NEU3: variants seen among roughly 807,000 people sequenced by gnomAD.
NEU3 encodes the protein neuraminidase 3.
In NEU3, 10 loss-of-function variants were observed where a neutral mutation model predicts 11.4. That is an observed-to-expected ratio of 0.88 (90% CI 0.54 to 1.49). The LOEUF (loss-of-function observed/expected upper bound fraction) is 1.49. NEU3 is among the 40% of genes most tolerant of loss of function. The pLI is 0.00. For synonymous variants in NEU3, 212 were observed against 228.2 expected, an observed-to-expected ratio of 0.93 and a Z score of 0.64; for missense variants, 529 against 581.8, an observed-to-expected ratio of 0.91 and a Z score of 0.93.
Position 75,005,568 on chromosome 11 carries a change from G to A in NEU3, c.462G>A (p.Arg154=). 1 of 1,614,014 alleles carries A rather than the reference G, an allele frequency of 6.2e-7. No homozygotes were observed. Among genetic ancestry groups the A allele is most frequent in the Non-Finnish European group, 8.5e-7 (1 of 1,179,896 alleles). ...VTERQQIVSG[R]NAARLCFIYS... ...AGCGTCAACAGATTGTGTCAGGCAGGAATGCTGCCCGCCTTTGCTTCATCT... is the reference window on the plus strand; with the variant it reads ...AGCGTCAACAGATTGTGTCAGGCAGAAATGCTGCCCGCCTTTGCTTCATCT... The change falls in exon 3 of 3, where the codon AGG becomes AGA. Residue 154 remains arginine, a synonymous_variant. Coordinates refer to ENST00000294064, the MANE Select transcript of NEU3 (RefSeq NM_006656.6).
downstream of NEU3, among the ~76,000 whole-genome samples, chr11:75,015,082 G>A (rs555282742): frequency 2.5e-4 from 38 of 152,170 alleles, no homozygotes; most frequent in South Asian, 8.3e-4. Context: ...TGTGTCCTCC[G>A]CAAATTCATA....
At chr11:74,985,660 T>A (rs1376104418), upstream of NEU3, among the ~76,000 whole-genome samples, 6 of 152,224 alleles carry the variant, frequency 3.9e-5, no homozygotes, top group African/African-American at 1.4e-4. Context: ...AGGACACATC[T>A]GGATCATAAG....
In NEU3 at chr11:75,005,545, C is replaced by T. The variant is rs201212157; in HGVS notation, c.439C>T (p.Arg147Cys). The T allele has an allele frequency of 7.3e-5, 118 of 1,613,772 alleles. No homozygotes were observed. The highest frequency in any genetic ancestry group is 4.1e-4 in the African/African-American group (31 of 74,856). ...CTGTGTGCGGGGCCATGTCACAGAGCGTCAACAGATTGTGTCAGGCAGGAA... is the reference window on the plus strand; with the variant it reads ...CTGTGTGCGGGGCCATGTCACAGAGTGTCAACAGATTGTGTCAGGCAGGAA... ...FICVRGHVTERQQIVSGRNAA... is the reference protein window; with the variant it reads ...FICVRGHVTECQQIVSGRNAA... The change falls in exon 3 of 3, where the codon CGT becomes TGT. Residue 147 changes from arginine to cysteine, a missense_variant. Coordinates refer to ENST00000294064, the MANE Select transcript of NEU3 (RefSeq NM_006656.6).
upstream of NEU3, chr11:74,988,141 T>C (rs1948689928): frequency 6.6e-6 from 1 of 152,098 alleles, no homozygotes; most frequent in Non-Finnish European, 1.5e-5. Context: ...GTCTTTCCTT[T>C]TATTGGCGTT....
chr11:74,982,347 AC>A, the NEU3 span, among the ~76,000 whole-genome samples: 1 of 152,098 alleles, frequency 6.6e-6, no homozygotes, highest in South Asian at 2.1e-4. Flanking sequence ...CAATAGGTAA[AC>A]CTGCTCATTT....
In NEU3 at chr11:75,001,933, G is replaced by A. The variant is rs1948848064; in HGVS notation, c.307-3480G>A. 2.0e-5 allele frequency among the ~76,000 whole-genome samples: 3 copies of A among 152,188 alleles called. No homozygotes were observed. In the South Asian group the frequency reaches 6.2e-4, roughly 32 times the overall value. ...TAGAATGGGCTGTCCCAGAGATCTTGAATTCCCTGTTGAACTAGCTTAGTT... is the reference window on the plus strand; with the variant it reads ...TAGAATGGGCTGTCCCAGAGATCTTAAATTCCCTGTTGAACTAGCTTAGTT... On this transcript the variant is annotated intron_variant, in intron 2 of 2. Coordinates refer to ENST00000294064, the MANE Select transcript of NEU3 (RefSeq NM_006656.6).
At chr11:74,982,276 G>A in the NEU3 span, among the ~76,000 whole-genome samples, 4 of 152,168 alleles carry the variant, frequency 2.6e-5, no homozygotes, top group African/African-American at 4.8e-5. Flanking sequence ...CTAGATGAAT[G>A]CCTACACATG....
At position 75,006,663 on chromosome 11, in the gene NEU3, A is replaced by G. The variant is rs543114072; in HGVS notation, c.*171A>G. 1 of 700,682 alleles carries G rather than the reference A, an allele frequency of 1.4e-6. No homozygotes were observed. The highest frequency in any genetic ancestry group is 1.8e-5 in the African/African-American group (1 of 55,800). 43.4% of individuals were successfully genotyped at this position (700,682 alleles called of 1,614,324 possible). A position where few individuals can be genotyped will look rare whatever the true frequency, so the allele number is the denominator to read the frequency against. ...ATTTTGCCTTAGCTACTGCAGTGGAAAGAGCACTGAACTAGGAGTTGGAAG... is the reference window on the plus strand; with the variant it reads ...ATTTTGCCTTAGCTACTGCAGTGGAGAGAGCACTGAACTAGGAGTTGGAAG... On this transcript the variant is annotated 3_prime_UTR_variant, in exon 3 of 3. Coordinates refer to ENST00000294064, the MANE Select transcript of NEU3 (RefSeq NM_006656.6).
rs1382270308 is a variant in NEU3, at chr11:74,994,567, T to A, written c.153T>A (p.Asp51Glu). Residue 51 changes from aspartate to glutamate, a missense_variant, in exon 2 of 3, where the codon GAT (aspartate) becomes GAA (glutamate). Transcript: ENST00000294064. ...SFNSPLFRQEDDRGITYRIPA... is the reference protein window; with the variant it reads ...SFNSPLFRQEEDRGITYRIPA... ...ACAGCCCTCTGTTCCGGCAGGAAGA[T>A]GACAGAGGGATTACCTACCGGATCC... 8 of 1,613,848 alleles carry A rather than the reference T, an allele frequency of 5.0e-6. No individual in the cohort carries two copies. Among genetic ancestry groups the A allele is most frequent in the Non-Finnish European group, 6.8e-6 (8 of 1,179,882 alleles).
intron 2 of NEU3, among the ~76,000 whole-genome samples, chr11:75,001,724 T>C (rs1434245667): frequency 6.6e-6 from 1 of 152,254 alleles, no homozygotes; most frequent in Admixed American, 6.5e-5. Flanking sequence ...TTTCATGCTA[T>C]GTTTACTCTT....
chr11:74,994,553 T>C lies in NEU3; in HGVS notation c.139T>C (p.Phe47Leu). The C allele has an allele frequency of 6.2e-7, 1 of 1,613,824 alleles. No individual in the cohort carries two copies. The highest frequency in any genetic ancestry group is 8.5e-7 in the Non-Finnish European group (1 of 1,179,798). Residue 47 changes from phenylalanine to leucine, a missense_variant, in exon 2 of 3, where the codon TTC (phenylalanine) becomes CTC (leucine). By Grantham distance (22) the Phe-to-Leu change is conservative. Coordinates refer to ENST00000294064, the MANE Select transcript of NEU3 (RefSeq NM_006656.6). ...AACATGCTCCTTCAACAGCCCTCTG[T>C]TCCGGCAGGAAGATGACAGAGGGAT... ...VTTCSFNSPL[F>L]RQEDDRGITY...
chr11:74,996,275 C>T (rs773574307), intron 2 of NEU3, among the ~76,000 whole-genome samples: 13 of 152,190 alleles, frequency 8.5e-5, no homozygotes, highest in African/African-American at 2.9e-4. Context: ...CATAGTAGAA[C>T]TTATAAATGA....
downstream of NEU3, among the ~76,000 whole-genome samples, chr11:75,020,176 T>A (rs183470982): frequency 2.0e-5 from 3 of 152,312 alleles, no homozygotes; most frequent in Admixed American, 2.0e-4. Context: ...GTACTCCCAC[T>A]GTATCTAGGA....
intron 1 of NEU3, 141 bp from the exon 2 acceptor site, chr11:74,994,368 G>C: frequency 1.7e-6 from 1 of 580,238 alleles, no homozygotes; most frequent in Non-Finnish European, 3.0e-6. Flanking sequence ...GAGAGCATAT[G>C]TTATTCTTGT....
At chr11:75,012,073 T>C (rs1476957811), downstream of NEU3, among the ~76,000 whole-genome samples, 1 of 152,206 alleles carries the variant, frequency 6.6e-6, no homozygotes, top group Non-Finnish European at 1.5e-5. Flanking sequence ...TGACAAAGAT[T>C]CCTTGGTTGA....
chr11:75,005,735 C>T lies in NEU3; in HGVS notation c.629C>T (p.Pro210Leu), dbSNP rs757748319. The T allele has an allele frequency of 1.9e-6, 3 of 1,613,864 alleles. No individual in the cohort carries two copies. The Admixed American group carries it at 5.0e-5, about 27-fold the overall frequency. The part of the protein sequence containing the change: ...IQLQSGRLVI[P>L]AYTYYIPSWF... ...CTGCAGTCAGGGAGACTGGTCATCC[C>T]TGCGTATACCTACTACATCCCTTCC... Residue 210 changes from proline (P) to leucine (L), a missense_variant, in exon 3 of 3, where the codon CCT (proline) becomes CTT (leucine). Coordinates refer to ENST00000294064, the MANE Select transcript of NEU3 (RefSeq NM_006656.6).
rs112880574 is a variant in NEU3 at position 74,988,983 on chromosome 11, A to G, written c.-78A>G. ...GGCTTGTCTCCGTGTCCTCCGTCTC[A>G]GTTGTTTCTCCCTCTCTATCCTCCT... On this transcript the variant is annotated 5_prime_UTR_variant, in exon 1 of 3. Transcript: ENST00000294064. The G allele has an allele frequency of 1.0e-4, 112 of 1,079,022 alleles. No individual in the cohort carries two copies. In the African/African-American group the frequency reaches 1.4e-3, roughly 13 times the overall value. 66.8% of individuals were successfully genotyped at this position (1,079,022 alleles called of 1,614,324 possible).
Position 74,992,396 on chromosome 11 carries a change from G to C in NEU3, c.95-2113G>C, listed in dbSNP as rs374372635. ...CTCTGTCTTCTCAGCATCTATTTTA[G>C]GGCCTGACACAGAGGAGGAACCTAG... is the stretch of plus-strand genomic sequence containing the variant. On this transcript the variant is annotated intron_variant, in intron 1 of 2. Coordinates refer to ENST00000294064, the MANE Select transcript of NEU3 (RefSeq NM_006656.6). 3.3e-5 allele frequency among the ~76,000 whole-genome samples: 5 copies of C among 152,306 alleles called. No homozygotes were observed. The South Asian group carries it at 1.0e-3, about 32-fold the overall frequency.
intron 1 of NEU3, among the ~76,000 whole-genome samples, chr11:74,992,068 C>A (rs1214163422): frequency 6.6e-6 from 1 of 152,152 alleles, no homozygotes; most frequent in Non-Finnish European, 1.5e-5. Flanking sequence ...GAGAAACCTT[C>A]CTGATTGGAT....
Sources: gnomAD v4.1 joint callset for allele counts (sites outside exome capture counted in the v4.1 genomes callset) on GRCh38, gnomAD v4.1.1 for gene constraint, MANE v1.5 for transcripts, NCBI Gene and HGNC (gene_info 2026-07-23, HGNC 2026-07-21) for gene names.